The following DCC variants were observed in gnomAD, a reference collection of about 807,000 sequenced individuals.
DCC encodes DCC netrin 1 receptor, also known as netrin receptor DCC.
In DCC, 58 loss-of-function variants were observed where a neutral mutation model predicts 172.5. The ratio of observed to expected loss-of-function variants is 0.34; its 90% CI spans 0.27 to 0.42. The LOEUF is 0.42. DCC is among the 10% of genes least tolerant of loss of function. The pLI is 1.00. For missense variants in DCC, 1,740 were observed against 1,791.0 expected (o/e 0.97, Z 0.51); for synonymous variants, 709 against 644.5 (o/e 1.10, Z -1.52).
intron 15 of DCC, among the ~76,000 whole-genome samples, chr18:53,344,744 T>A (rs190452496): frequency 2.4e-4 from 36 of 151,894 alleles, no homozygotes; most frequent in Admixed American, 1.8e-3. Flanking sequence ...CAGCCTAAAT[T>A]TGAGTTATTA....
chr18:53,171,332 C>G (rs914404155), intron 8 of DCC, among the ~76,000 whole-genome samples: 14 of 152,134 alleles, frequency 9.2e-5, no homozygotes, highest in Non-Finnish European at 1.5e-5. Flanking sequence ...CAGGGCAGAA[C>G]CAGCAGGTGA....
At chr18:52,464,818 C>A (rs1172496748) in intron 1 of DCC, among the ~76,000 whole-genome samples, 2 of 151,846 alleles carry the variant, frequency 1.3e-5, no homozygotes, top group African/African-American at 4.8e-5. Context: ...TGTAAAGCGA[C>A]TTTTTCCTGG....
chr18:53,048,662 A>G (rs1471907536), intron 5 of DCC, among the ~76,000 whole-genome samples: 3 of 151,102 alleles, frequency 2.0e-5, no homozygotes, highest in African/African-American at 4.9e-5. Context: ...ATTCTTTTAT[A>G]TATGTATATA....
intron 22 of DCC, among the ~76,000 whole-genome samples, chr18:53,447,603 G>A (rs909165276): frequency 6.6e-6 from 1 of 152,086 alleles, no homozygotes; most frequent in Non-Finnish European, 1.5e-5. Flanking sequence ...TTGACAAGGT[G>A]TACTGTTATG....
intron 7 of DCC, among the ~76,000 whole-genome samples, chr18:53,091,842 TCTATCTATCA>T (rs1269991333): frequency 0.027 from 1,780 of 65,040 alleles, 31 homozygotes; most frequent in African/African-American, 0.12. Context: ...TATCTATCTA[TCTATCTATCA>T]ATCTATCTAT....
intron 5 of DCC, among the ~76,000 whole-genome samples, chr18:53,011,725 T>G (rs541188566): frequency 4.5e-5 from 6 of 132,548 alleles, no homozygotes; most frequent in Non-Finnish European, 9.7e-5. Context: ...TTTCTATTTA[T>G]TAAGTTCATG....
intron 7 of DCC, among the ~76,000 whole-genome samples, chr18:53,101,613 CAAG>C (rs1488406221): frequency 3.3e-5 from 5 of 152,062 alleles, no homozygotes; most frequent in African/African-American, 9.7e-5. Context: ...GCTACTTAGC[CAAG>C]AAAACGTAGA....
At chr18:52,601,917 T>C (rs1261319176) in intron 1 of DCC, among the ~76,000 whole-genome samples, 1 of 152,072 alleles carries the variant, frequency 6.6e-6, no homozygotes, top group Non-Finnish European at 1.5e-5. Context: ...TTTTTTGACT[T>C]ATCTTCAAAT....
Position 52,875,110 on chromosome 18 carries a change from G to T in DCC, c.413-30934G>T, listed in dbSNP as rs114531487. Among the ~76,000 whole-genome samples the T allele has an allele frequency of 6.8e-3, 1,031 of 152,154 alleles. 8 individuals carry two copies. Among genetic ancestry groups the T allele is most frequent in the African/African-American group, 0.023 (942 of 41,490 alleles). ...ACATCAACGCAATGTTCCAGGCGAG[G>T]TCCTTTGCTCTCTCTGGAGTTGACT... On this transcript the variant is annotated intron_variant, in intron 2 of 28. Transcript: ENST00000442544.
intron 21 of DCC, among the ~76,000 whole-genome samples, chr18:53,423,190 T>C (rs1213375826): frequency 1.3e-5 from 2 of 152,178 alleles, no homozygotes; most frequent in Non-Finnish European, 2.9e-5. Flanking sequence ...CATTTTTGTT[T>C]ATACACTTCA....
intron 1 of DCC, among the ~76,000 whole-genome samples, chr18:52,688,762 A>G (rs776612122): frequency 2.6e-5 from 4 of 152,252 alleles, no homozygotes; most frequent in South Asian, 2.1e-4. Context: ...TACCTTAAGT[A>G]TATACAATTA....
Position 52,573,301 on chromosome 18 carries a change from G to A in DCC, c.92-178753G>A, listed in dbSNP as rs370382456. On this transcript the variant is annotated intron_variant, in intron 1 of 28. Transcript: ENST00000442544. ...TACTTCTCTATCCTATGGATATAATGAAGTTAGGGGGCAAGAAGGAGAGCT... is the reference window on the plus strand; with the variant it reads ...TACTTCTCTATCCTATGGATATAATAAAGTTAGGGGGCAAGAAGGAGAGCT... Among the ~76,000 whole-genome samples, 285 of 152,188 alleles carry A rather than the reference G, an allele frequency of 1.9e-3. 1 individual carries two copies. The highest frequency in any genetic ancestry group is 6.7e-3 in the African/African-American group (277 of 41,538).
intron 12 of DCC, among the ~76,000 whole-genome samples, chr18:53,248,408 C>T (rs2056390112): frequency 1.3e-5 from 2 of 151,960 alleles, no homozygotes; most frequent in Admixed American, 1.3e-4. Flanking sequence ...AAAGTTCTTC[C>T]CCATTTTTAG....
At chr18:53,362,798 T>C (rs1057079730) in intron 15 of DCC, among the ~76,000 whole-genome samples, 1 of 152,132 alleles carries the variant, frequency 6.6e-6, no homozygotes, top group Non-Finnish European at 1.5e-5. Flanking sequence ...ACAAATAGTG[T>C]TCACTAAAAG....
chr18:52,986,823 CACACATATACAT>C (rs1484009646), intron 5 of DCC, among the ~76,000 whole-genome samples: 1 of 132,592 alleles, frequency 7.5e-6, no homozygotes, highest in African/African-American at 3.0e-5. Context: ...TATACACACA[CACACATATACAT>C]ACACACACAC....
intron 17 of DCC, among the ~76,000 whole-genome samples, chr18:53,396,967 G>A (rs183992180): frequency 2.6e-5 from 4 of 152,004 alleles, no homozygotes; most frequent in African/African-American, 9.6e-5. Flanking sequence ...CAAGCACAAA[G>A]TGATATTTAT....
intron 2 of DCC, among the ~76,000 whole-genome samples, chr18:52,788,481 A>AT (rs1188278789): frequency 1.3e-5 from 2 of 152,158 alleles, no homozygotes; most frequent in Non-Finnish European, 1.5e-5. Flanking sequence ...AAGTGGTATG[A>AT]TTAAGACCAC....
intron 2 of DCC, among the ~76,000 whole-genome samples, chr18:52,830,108 A>AGG (rs1406473549): frequency 6.6e-6 from 1 of 152,156 alleles, no homozygotes; most frequent in African/African-American, 2.4e-5. Context: ...ACCAGCATGA[A>AGG]GGGAAGTAAG....
chr18:52,437,312 T>C (rs557348325), intron 1 of DCC, among the ~76,000 whole-genome samples: 2 of 152,074 alleles, frequency 1.3e-5, no homozygotes, highest in African/African-American at 4.8e-5. Flanking sequence ...TTTATAGTCA[T>C]GTGGCAGAAA....
Sources: allele counts gnomAD v4.1 joint callset (sites outside exome capture counted in the v4.1 genomes callset), GRCh38; gene constraint gnomAD v4.1.1; transcripts MANE v1.5; gene names NCBI Gene and HGNC (gene_info 2026-07-23, HGNC 2026-07-21).